The following ZNF385D variants were observed in gnomAD, a reference collection of about 807,000 sequenced individuals.
ZNF385D encodes the protein zinc finger protein 385D.
Under a neutral mutation model 35.8 loss-of-function variants are expected in ZNF385D, and 15 were observed. The observed-to-expected ratio is 0.42, with a 90% CI of 0.28 to 0.64. The LOEUF is 0.64. ZNF385D is among the 30% of genes least tolerant of loss of function. The probability of loss-of-function intolerance (pLI) is 0.23; values close to 1 mark genes in which losing one functional copy is unlikely to be tolerated. For missense variants in ZNF385D, 474 were observed against 494.6 expected (o/e 0.96, Z 0.39); for synonymous variants, 212 against 186.8 (o/e 1.13, Z -1.10).
intron 2 of ZNF385D, among the ~76,000 whole-genome samples, chr3:22,228,211 C>T (rs2638144): frequency 6.6e-6 from 1 of 152,000 alleles, no homozygotes; most frequent in African/African-American, 2.4e-5. Context: ...GAGCTACTAA[C>T]CCTACAGAGA....
At chr3:22,139,501 A>C (rs1225823263) in intron 3 of ZNF385D, among the ~76,000 whole-genome samples, 4 of 152,046 alleles carry the variant, frequency 2.6e-5, no homozygotes, top group African/African-American at 9.7e-5. Flanking sequence ...CATTCTCAGC[A>C]AACTATTGCA....
intron 3 of ZNF385D, among the ~76,000 whole-genome samples, chr3:22,103,058 C>T (rs1313184954): frequency 1.3e-5 from 2 of 151,388 alleles, no homozygotes; most frequent in African/African-American, 4.8e-5. Flanking sequence ...AAAGTCAAGA[C>T]TGATTTTCCT....
At chr3:22,189,405 T>G (rs988421483) in intron 2 of ZNF385D, among the ~76,000 whole-genome samples, 1 of 152,134 alleles carries the variant, frequency 6.6e-6, no homozygotes, top group African/African-American at 2.4e-5. Context: ...ATATATACAT[T>G]GCTAGCCTCA....
rs907303262 is a variant in ZNF385D, at chr3:21,414,508, T to C, written c.*6706A>G. On this transcript the variant is annotated 3_prime_UTR_variant, in exon 8 of 8. Transcript: ENST00000281523. Reference sequence around the variant, plus strand: ...ACTATAAGTCACATTTTAAAACGACTTTATGAAATTTATAGAAATATGGCT... The same window carrying C: ...ACTATAAGTCACATTTTAAAACGACCTTATGAAATTTATAGAAATATGGCT... 1 of 152,148 alleles carries C rather than the reference T, an allele frequency of 6.6e-6. No individual in the cohort carries two copies. The highest frequency in any genetic ancestry group is 1.5e-5 in the Non-Finnish European group (1 of 68,018). 9.4% of individuals were successfully genotyped at this position (152,148 alleles called of 1,614,324 possible).
At chr3:22,133,928 T>C (rs757362132) in intron 3 of ZNF385D, 5 of 152,062 alleles carry the variant, frequency 3.3e-5, no homozygotes, top group African/African-American at 1.2e-4. Flanking sequence ...AACCTCTTTT[T>C]GTATGAAAAT....
intron 1 of ZNF385D, among the ~76,000 whole-genome samples, chr3:21,710,723 C>T (rs1439149001): frequency 6.6e-6 from 1 of 152,138 alleles, no homozygotes; most frequent in African/African-American, 2.4e-5. Flanking sequence ...TATTTAAGGT[C>T]TTTGAAGCAT....
At chr3:22,127,364 G>A (rs1703499707) in intron 3 of ZNF385D, among the ~76,000 whole-genome samples, 1 of 90,900 alleles carries the variant, frequency 1.1e-5, no homozygotes, top group Admixed American at 1.7e-4. Context: ...TTTTGAGACA[G>A]AGTCTCACTC....
intron 1 of ZNF385D, among the ~76,000 whole-genome samples, chr3:21,704,109 A>G (rs914787829): frequency 1.3e-5 from 2 of 152,208 alleles, no homozygotes; most frequent in African/African-American, 2.4e-5. Flanking sequence ...GACAAAACAC[A>G]TATTTGGAAG....
intron 3 of ZNF385D, among the ~76,000 whole-genome samples, chr3:21,867,567 A>G (rs1227276619): frequency 6.6e-6 from 1 of 152,118 alleles, no homozygotes; most frequent in Non-Finnish European, 1.5e-5. Context: ...CTCTATTTGC[A>G]TCTTGTATTT....
chr3:22,184,386 C>CAT (rs3079834), intron 2 of ZNF385D, among the ~76,000 whole-genome samples: 94,735 of 151,966 alleles, frequency 0.62, 31,649 homozygotes, highest in African/African-American at 0.87. Context: ...ATCATTTCAA[C>CAT]ATGTTTTATC....
At chr3:22,336,888 A>G (rs1002807807) in intron 2 of ZNF385D, among the ~76,000 whole-genome samples, 3 of 135,694 alleles carry the variant, frequency 2.2e-5, no homozygotes, top group African/African-American at 8.1e-5. Context: ...CCTTGAAACC[A>G]CTATGCAAAC....
chr3:21,883,749 C>T (rs939664724), intron 3 of ZNF385D, among the ~76,000 whole-genome samples: 2 of 152,006 alleles, frequency 1.3e-5, no homozygotes, highest in Non-Finnish European at 2.9e-5. Flanking sequence ...GATTGCTGCA[C>T]ATATAAGGCT....
At chr3:21,509,621 G>C (rs1288323502) in intron 4 of ZNF385D, among the ~76,000 whole-genome samples, 1 of 151,976 alleles carries the variant, frequency 6.6e-6, no homozygotes, top group Admixed American at 6.6e-5. Context: ...GGCTATATCA[G>C]AGAACCAAAC....
At chr3:22,169,373 GGTCACACAGC>G in intron 2 of ZNF385D, among the ~76,000 whole-genome samples, 1 of 152,186 alleles carries the variant, frequency 6.6e-6, no homozygotes, top group South Asian at 2.1e-4. Flanking sequence ...ACTTGTCTAA[GGTCACACAGC>G]TAACAAGTGG....
chr3:21,792,765 G>A (rs879537305), intron 3 of ZNF385D, among the ~76,000 whole-genome samples: 1 of 152,080 alleles, frequency 6.6e-6, no homozygotes, highest in Admixed American at 6.6e-5. Context: ...AAAGTTCAAT[G>A]TCCAGATTCT....
chr3:22,353,254 T>G (rs116188676), intron 2 of ZNF385D, among the ~76,000 whole-genome samples: 1 of 152,164 alleles, frequency 6.6e-6, no homozygotes, highest in Non-Finnish European at 1.5e-5. Flanking sequence ...GGCCATTCAC[T>G]CATCTGTGCC....
chr3:22,209,952 C>T (rs1306812725), intron 2 of ZNF385D, among the ~76,000 whole-genome samples: 1 of 151,732 alleles, frequency 6.6e-6, no homozygotes, highest in Non-Finnish European at 1.5e-5. Flanking sequence ...TTCTTAATTT[C>T]TAGATATTGA....
chr3:21,788,683 G>T (rs1042221568), intron 3 of ZNF385D, among the ~76,000 whole-genome samples: 1 of 152,078 alleles, frequency 6.6e-6, no homozygotes, highest in African/African-American at 2.4e-5. Context: ...TGATTCGGGG[G>T]CATATGTGCA....
At chr3:21,667,346 G>A (rs1320436444) in intron 1 of ZNF385D, among the ~76,000 whole-genome samples, 3 of 152,094 alleles carry the variant, frequency 2.0e-5, no homozygotes, top group Non-Finnish European at 4.4e-5. Flanking sequence ...ACTTTCAGTA[G>A]AGACGGGTTT....
Sources: allele counts gnomAD v4.1 joint callset (sites outside exome capture counted in the v4.1 genomes callset), GRCh38; gene constraint gnomAD v4.1.1; transcripts MANE v1.5; gene names NCBI Gene and HGNC (gene_info 2026-07-23, HGNC 2026-07-21).